Variants in RIMS2 observed in about 807,000 individuals in gnomAD.
The protein encoded by RIMS2 is regulating synaptic membrane exocytosis protein 2.
In RIMS2, 59 loss-of-function variants were observed where a neutral mutation model predicts 174.4. The observed-to-expected ratio is 0.34, with a 90% CI of 0.27 to 0.42. The LOEUF (loss-of-function observed/expected upper bound fraction) is 0.42, where lower values mean the gene tolerates loss of function less well. Among genes scored for constraint, RIMS2 ranks in the 10% least tolerant of loss-of-function variants. The pLI is 1.00. For synonymous variants in RIMS2, 606 were observed against 572.5 expected (o/e 1.06, Z -0.84); for missense variants, 1,620 against 1,666.3 (o/e 0.97, Z 0.48).
chr8:103,713,567 A>G (rs1010991669), intron 2 of RIMS2, among the ~76,000 whole-genome samples: 9 of 152,100 alleles, frequency 5.9e-5, no homozygotes, highest in African/African-American at 1.9e-4. Context: ...CTGTCTCTCT[A>G]TGTAAACTAC....
At chr8:103,852,213 C>A (rs2099002571) in intron 3 of RIMS2, among the ~76,000 whole-genome samples, 2 of 151,820 alleles carry the variant, frequency 1.3e-5, no homozygotes, top group Non-Finnish European at 2.9e-5. Context: ...ATTAATTGAA[C>A]TAAGAAGCAA....
chr8:104,094,453 C>T, intron 19 of RIMS2: 32 of 581,622 alleles, frequency 5.5e-5, no homozygotes, highest in South Asian at 1.6e-4. Context: ...ATTTGCATGC[C>T]TTCAATTTCT....
intron 1 of RIMS2, among the ~76,000 whole-genome samples, chr8:103,524,919 G>A (rs1000454878): frequency 6.6e-6 from 1 of 152,136 alleles, no homozygotes; most frequent in African/African-American, 2.4e-5. Context: ...AGAAACAGAA[G>A]GAAGAAAATA....
At chr8:103,516,165 A>G (rs1029795502) in intron 1 of RIMS2, among the ~76,000 whole-genome samples, 8 of 152,138 alleles carry the variant, frequency 5.3e-5, no homozygotes, top group Admixed American at 3.9e-4. Flanking sequence ...CATTTTAAAA[A>G]GTTAAAATCT....
chr8:104,106,740 T>C (rs1204615958), intron 19 of RIMS2, among the ~76,000 whole-genome samples: 1 of 152,096 alleles, frequency 6.6e-6, no homozygotes, highest in East Asian at 1.9e-4. Context: ...TAAAAGCAAA[T>C]AAGGACAATT....
At chr8:103,904,825 C>T (rs1245915555) in intron 4 of RIMS2, among the ~76,000 whole-genome samples, 1 of 151,764 alleles carries the variant, frequency 6.6e-6, no homozygotes, top group Non-Finnish European at 1.5e-5. Context: ...TTTTCCTTGC[C>T]TTCCTACAGG....
intron 15 of RIMS2, among the ~76,000 whole-genome samples, chr8:103,974,499 C>G (rs1011109844): frequency 3.9e-5 from 6 of 152,160 alleles, no homozygotes; most frequent in African/African-American, 1.4e-4. Context: ...TTGAGTCAAA[C>G]GTACTTTTCC....
chr8:104,150,522 A>G (rs2098680888), intron 19 of RIMS2, among the ~76,000 whole-genome samples: 1 of 152,168 alleles, frequency 6.6e-6, no homozygotes, highest in African/African-American at 2.4e-5. Context: ...AACTCCAGGA[A>G]TGAATTCCTG....
chr8:103,609,769 T>A (rs1211130747), intron 1 of RIMS2, among the ~76,000 whole-genome samples: 1 of 152,230 alleles, frequency 6.6e-6, no homozygotes, highest in Non-Finnish European at 1.5e-5. Flanking sequence ...AATGTGTTGC[T>A]TTCAGTTTTG....
rs2095821841 is a variant in RIMS2 at position 103,627,765 on chromosome 8, A to G, written c.177-69321A>G. Among the ~76,000 whole-genome samples, 7 of 152,250 alleles carry G rather than the reference A, an allele frequency of 4.6e-5. No homozygotes were observed. In the South Asian group the frequency reaches 1.4e-3, roughly 31 times the overall value. Reference sequence around the variant, plus strand: ...GAGAACTACTGACTTAACATGTTATAACATAATGATTGTCAACCCAAAGTA... The same window carrying G: ...GAGAACTACTGACTTAACATGTTATGACATAATGATTGTCAACCCAAAGTA... On this transcript the variant is annotated intron_variant, in intron 1 of 23. Transcript: ENST00000504942.
In RIMS2 at chr8:103,603,764, T is replaced by C. The variant is rs1221248054; in HGVS notation, c.177-93322T>C. ...TGATGGCCAGTGATGATGAGCATTT[T>C]TTCATGTGTTTTTTGGCTGCATAAA... is the stretch of plus-strand genomic sequence containing the variant. On this transcript the variant is annotated intron_variant, in intron 1 of 23. Coordinates refer to ENST00000504942, the Ensembl canonical transcript of RIMS2. Among the ~76,000 whole-genome samples the C allele has an allele frequency of 4.8e-3, 715 of 147,754 alleles. 4 individuals are homozygous for C. The highest frequency in any genetic ancestry group is 0.017 in the African/African-American group (675 of 39,836).
Position 103,820,450 on chromosome 8 carries a change from C to G in RIMS2, c.698+53913C>G, listed in dbSNP as rs553013104. 3.3e-5 allele frequency among the ~76,000 whole-genome samples: 5 copies of G among 151,934 alleles called. No individual in the cohort carries two copies. The East Asian group carries it at 9.6e-4, about 29-fold the overall frequency. On this transcript the variant is annotated intron_variant, in intron 3 of 23. Transcript: ENST00000504942. ...TGTGAACATGGCAATGCACTGAAAC[C>G]TTCTGGAAACCGATGGGGAACTAAT... is the stretch of plus-strand genomic sequence containing the variant.
At chr8:104,022,780 T>C (rs1300699442) in intron 19 of RIMS2, among the ~76,000 whole-genome samples, 1 of 152,216 alleles carries the variant, frequency 6.6e-6, no homozygotes, top group Non-Finnish European at 1.5e-5. Flanking sequence ...TATAAATTTG[T>C]TTTTATACAC....
At chr8:103,936,237 A>G (rs1343367453) in intron 12 of RIMS2, among the ~76,000 whole-genome samples, 1 of 151,298 alleles carries the variant, frequency 6.6e-6, no homozygotes, top group African/African-American at 2.4e-5. Context: ...TGATATTTTA[A>G]AAAAATTATA....
At chr8:104,118,939 A>T (rs1420353261) in intron 19 of RIMS2, among the ~76,000 whole-genome samples, 1 of 151,922 alleles carries the variant, frequency 6.6e-6, no homozygotes, top group Admixed American at 6.6e-5. Flanking sequence ...CACCCTTATG[A>T]CCTAATTACC....
At chr8:104,146,204 CAAAAAAAAAAAAA>C (rs36101798) in intron 19 of RIMS2, among the ~76,000 whole-genome samples, 53 of 65,936 alleles carry the variant, frequency 8.0e-4, no homozygotes, top group African/African-American at 3.2e-3. Context: ...TCTCCTCTCC[CAAAAAAAAAAAAA>C]AAAAAAAAAA....
intron 17 of RIMS2, among the ~76,000 whole-genome samples, chr8:104,004,546 G>A (rs1185318897): frequency 6.6e-6 from 1 of 152,136 alleles, no homozygotes; most frequent in African/African-American, 2.4e-5. Flanking sequence ...GCCTAAGTAT[G>A]ACCAGGAGAT....
rs568785655 is a variant in RIMS2 at position 103,837,672 on chromosome 8, T to C, written c.699-47626T>C. 6.2e-3 allele frequency among the ~76,000 whole-genome samples: 936 copies of C among 151,774 alleles called. 9 individuals carry two copies. The highest frequency in any genetic ancestry group is 0.022 in the African/African-American group (884 of 41,112). ...TGATGGTTTCCAGCTTCATCCATGT[T>C]CCTACAAAGGACATGAACTCATCCT... is the stretch of plus-strand genomic sequence containing the variant. On this transcript the variant is annotated intron_variant, in intron 3 of 23. Coordinates refer to ENST00000504942, the Ensembl canonical transcript of RIMS2.
chr8:103,785,719 G>T (rs1044083506), intron 3 of RIMS2, among the ~76,000 whole-genome samples: 3 of 152,170 alleles, frequency 2.0e-5, no homozygotes, highest in African/African-American at 7.2e-5. Flanking sequence ...AAGGATATTG[G>T]TCTAAAAATC....
Sources: gnomAD v4.1 joint callset for allele counts (sites outside exome capture counted in the v4.1 genomes callset) on GRCh38, gnomAD v4.1.1 for gene constraint, MANE v1.5 for transcripts, NCBI Gene and HGNC (gene_info 2026-07-23, HGNC 2026-07-21) for gene names.